The following ZNF708 variants were observed in gnomAD, a reference collection of about 807,000 sequenced individuals.
ZNF708 encodes zinc finger protein 708, also known as ZNF15, ZNF15L1.
A neutral mutation model predicts 47.0 loss-of-function variants in ZNF708; 44 were observed. That is an observed-to-expected ratio of 0.94 (90% CI 0.74 to 1.20). The LOEUF (loss-of-function observed/expected upper bound fraction) is 1.20, where lower values mean the gene tolerates loss of function less well. ZNF708 is among the 50% of genes most tolerant of loss of function. The probability of loss-of-function intolerance (pLI) is 0.00; values close to 1 mark genes in which losing one functional copy is unlikely to be tolerated. For synonymous variants in ZNF708, 184 were observed against 218.5 expected, an observed-to-expected ratio of 0.84 and a Z score of 1.39; for missense variants, 557 against 656.0, an observed-to-expected ratio of 0.85 and a Z score of 1.65.
intron 3 of ZNF708, among the ~76,000 whole-genome samples, chr19:21,299,357 AC>A (rs1972607378): frequency 6.6e-6 from 1 of 152,102 alleles, no homozygotes; most frequent in Non-Finnish European, 1.5e-5. Context: ...TGTCTCATAC[AC>A]ACACACAAAA....
chr19:21,310,040 T>G (rs1455245125), intron 2 of ZNF708, among the ~76,000 whole-genome samples: 1 of 150,996 alleles, frequency 6.6e-6, no homozygotes, highest in Admixed American at 6.6e-5. Flanking sequence ...ATCCTACATT[T>G]TCTTAAAAAC....
intron 1 of ZNF708, among the ~76,000 whole-genome samples, chr19:21,314,214 TGGG>T (rs1312474695): frequency 6.6e-6 from 1 of 151,240 alleles, no homozygotes; most frequent in Non-Finnish European, 1.5e-5. Context: ...TCTATGCCAC[TGGG>T]GTATTTCAAG....
intron 1 of ZNF708, among the ~76,000 whole-genome samples, chr19:21,317,552 G>A (rs1253519981): frequency 6.6e-6 from 1 of 152,190 alleles, no homozygotes; most frequent in Non-Finnish European, 1.5e-5. Flanking sequence ...ATTCTAGACT[G>A]TGTTTGGAAA....
intron 1 of ZNF708, among the ~76,000 whole-genome samples, chr19:21,317,810 G>A (rs963050355): frequency 5.3e-5 from 8 of 152,144 alleles, no homozygotes; most frequent in African/African-American, 1.4e-4. Context: ...ATGCTAATTG[G>A]TTATAATCAA....
At chr19:21,317,396 T>C (rs1973037902) in intron 1 of ZNF708, among the ~76,000 whole-genome samples, 1 of 152,140 alleles carries the variant, frequency 6.6e-6, no homozygotes, top group Non-Finnish European at 1.5e-5. Context: ...AGATACCAAA[T>C]AGGCAGAGAT....
intron 1 of ZNF708, chr19:21,328,048 T>C (rs989380672): frequency 1.8e-5 from 18 of 986,238 alleles, no homozygotes; most frequent in Non-Finnish European, 2.2e-5. Context: ...TATCTTGGTT[T>C]ACTCCAGACA....
intron 1 of ZNF708, among the ~76,000 whole-genome samples, chr19:21,321,854 C>T (rs1191311848): frequency 1.3e-5 from 2 of 151,900 alleles, no homozygotes; most frequent in African/African-American, 4.8e-5. Context: ...TATTACAAAC[C>T]TGCACATGTA....
At position 21,294,577 on chromosome 19, in the gene ZNF708, CG is replaced by C. The variant is rs1972488197; in HGVS notation, c.388del (p.Arg130GlyfsTer3). 1 of 1,613,902 alleles carries C rather than the reference CG, an allele frequency of 6.2e-7. No individual in the cohort carries two copies. Among genetic ancestry groups the C allele is most frequent in the East Asian group, 2.2e-5 (1 of 44,856 alleles). ...LHKGGHKGLN[R>X]CVTTTQSKIV... ...TTTGCTCTGGGTAGTTGTCACACAC[CG>C]GTTAAGTCCCTTGTGACCTCCTTTG... On this transcript the variant is annotated frameshift_variant, in exon 4 of 4. Transcript: ENST00000356929. LOFTEE classifies it high-confidence loss of function.
rs1972446938 is a variant in ZNF708 at position 21,293,644 on chromosome 19, AT to A, written c.1321del (p.Ile441PhefsTer56). The part of the protein sequence containing the change: ...IFSILTKHKV[I>X]HTEDKPYKCE... ...TTTGTAGGGTTTGTCTTCAGTATGA[AT>A]TACTTTATGTTTAGTAAGGATTGAG... On this transcript the variant is annotated frameshift_variant, in exon 4 of 4. Coordinates refer to ENST00000356929, the MANE Select transcript of ZNF708 (RefSeq NM_021269.3). LOFTEE classifies it high-confidence loss of function. The A allele has an allele frequency of 5.6e-6, 9 of 1,612,212 alleles. No individual in the cohort carries two copies. Among genetic ancestry groups the A allele is most frequent in the Non-Finnish European group, 5.1e-6 (6 of 1,179,628 alleles).
At chr19:21,297,320 C>T (rs868524819) in intron 3 of ZNF708, among the ~76,000 whole-genome samples, 2 of 111,952 alleles carry the variant, frequency 1.8e-5, no homozygotes, top group South Asian at 3.1e-4. Flanking sequence ...CTCACTCTGT[C>T]GCCCAGGCTG....
At chr19:21,311,144 G>A (rs563568522) in intron 1 of ZNF708, among the ~76,000 whole-genome samples, 28 of 152,074 alleles carry the variant, frequency 1.8e-4, no homozygotes, top group African/African-American at 4.8e-4. Flanking sequence ...CAAACATCCC[G>A]TAAGTAAAAG....
At chr19:21,314,891 T>C (rs1972972642) in intron 1 of ZNF708, among the ~76,000 whole-genome samples, 1 of 152,160 alleles carries the variant, frequency 6.6e-6, no homozygotes, top group African/African-American at 2.4e-5. Context: ...GCCTACGTAA[T>C]TGTGAGAGGG....
intron 1 of ZNF708, among the ~76,000 whole-genome samples, chr19:21,323,784 G>A (rs1443569819): frequency 6.6e-6 from 1 of 152,108 alleles, no homozygotes; most frequent in East Asian, 1.9e-4. Context: ...GACTTCTATG[G>A]CTGGGGTGAG....
chr19:21,317,213 G>A (rs529562021), intron 1 of ZNF708, among the ~76,000 whole-genome samples: 17 of 151,862 alleles, frequency 1.1e-4, no homozygotes, highest in Non-Finnish European at 2.1e-4. Context: ...ACAGGAGACT[G>A]AGGTTGCAGT....
chr19:21,293,184 C>T lies in ZNF708; in HGVS notation c.*90G>A. On this transcript the variant is annotated 3_prime_UTR_variant, in exon 4 of 4. Coordinates refer to ENST00000356929, the MANE Select transcript of ZNF708 (RefSeq NM_021269.3). ...GATTAAGAGCCAGTTAAAGGCTTTG[C>T]CACATTTATCACATTTGTAGGATTT... 2.8e-6 allele frequency: 4 copies of T among 1,451,234 alleles called. No individual in the cohort carries two copies. The South Asian group carries it at 5.0e-5, about 18-fold the overall frequency. The allele number at this position is 1,451,234 out of a possible 1,614,324, so 89.9% of individuals were successfully genotyped here. A position where few individuals can be genotyped will look rare whatever the true frequency, so the allele number is the denominator to read the frequency against.
At chr19:21,295,596 T>C (rs1428502917) in intron 3 of ZNF708, among the ~76,000 whole-genome samples, 4 of 151,982 alleles carry the variant, frequency 2.6e-5, no homozygotes, top group Non-Finnish European at 5.9e-5. Context: ...AAATACAAAA[T>C]TAGCTGGGCA....
At chr19:21,310,219 G>A (rs1274513734) in intron 2 of ZNF708, among the ~76,000 whole-genome samples, 1 of 151,940 alleles carries the variant, frequency 6.6e-6, no homozygotes, top group Non-Finnish European at 1.5e-5. Flanking sequence ...GGCTGAGGCG[G>A]GCAGACCCTG....
intron 3 of ZNF708, among the ~76,000 whole-genome samples, chr19:21,303,063 C>A (rs1020178499): frequency 6.6e-6 from 1 of 152,072 alleles, no homozygotes; most frequent in Middle Eastern, 3.2e-3. Flanking sequence ...GCCTGAGCAA[C>A]ATCTCAAAAC....
chr19:21,315,108 T>C (rs651454), intron 1 of ZNF708, among the ~76,000 whole-genome samples: 145,794 of 152,228 alleles, frequency 0.96, 70,103 homozygotes, highest in Middle Eastern at 1. Flanking sequence ...GGATACTTTG[T>C]GGTCTTGATC....
Sources: allele counts gnomAD v4.1 joint callset (sites outside exome capture counted in the v4.1 genomes callset), GRCh38; gene constraint gnomAD v4.1.1; transcripts MANE v1.5; gene names NCBI Gene and HGNC (gene_info 2026-07-23, HGNC 2026-07-21).